Variants in ACOT12 observed in about 807,000 individuals in gnomAD.
ACOT12 encodes the protein acetyl-coenzyme A thioesterase.
Under a neutral mutation model 67.7 loss-of-function variants are expected in ACOT12, and 51 were observed. The ratio of observed to expected loss-of-function variants is 0.75; its 90% CI spans 0.60 to 0.95. The LOEUF (loss-of-function observed/expected upper bound fraction) is 0.95, where lower values mean the gene tolerates loss of function less well. Among genes scored for constraint, ACOT12 ranks in the 40% least tolerant of loss-of-function variants. The pLI is 0.00. For missense variants in ACOT12, 734 were observed against 708.1 expected (o/e 1.04, Z -0.41); for synonymous variants, 251 against 244.6 (o/e 1.03, Z -0.24).
intron 2 of ACOT12, among the ~76,000 whole-genome samples, chr5:81,374,316 T>C (rs1194954191): frequency 1.3e-5 from 2 of 151,958 alleles, no homozygotes; most frequent in Non-Finnish European, 2.9e-5. Context: ...GGACATCCAC[T>C]CAGAGACCTC....
intron 2 of ACOT12, among the ~76,000 whole-genome samples, chr5:81,384,629 A>G (rs1486995062): frequency 6.6e-6 from 1 of 152,190 alleles, no homozygotes; most frequent in African/African-American, 2.4e-5. Flanking sequence ...AAGAGGCTGT[A>G]CTGTTGAGGT....
At chr5:81,388,915 T>C (rs1340976178) in intron 1 of ACOT12, among the ~76,000 whole-genome samples, 1 of 152,210 alleles carries the variant, frequency 6.6e-6, no homozygotes, top group Non-Finnish European at 1.5e-5. Context: ...TCATTTTCTC[T>C]CCTGCCACCG....
chr5:81,364,872 C>G (rs4277893), intron 3 of ACOT12, among the ~76,000 whole-genome samples: 7,688 of 152,192 alleles, frequency 0.051, 221 homozygotes, highest in Middle Eastern at 0.082. Flanking sequence ...CCTTTACTCT[C>G]AGAGTTTTTT....
intron 2 of ACOT12, among the ~76,000 whole-genome samples, chr5:81,382,027 G>A (rs1760596942): frequency 6.6e-6 from 1 of 151,996 alleles, no homozygotes; most frequent in South Asian, 2.1e-4. Flanking sequence ...TAATTAATGT[G>A]TATATACATA....
intron 5 of ACOT12, among the ~76,000 whole-genome samples, chr5:81,357,527 C>A (rs1036444467): frequency 6.6e-6 from 1 of 151,998 alleles, no homozygotes; most frequent in Non-Finnish European, 1.5e-5. Context: ...TGCACCGGGG[C>A]AAACTGGCCA....
chr5:81,333,829 C>A (rs769973187), intron 12 of ACOT12, among the ~76,000 whole-genome samples: 1 of 152,140 alleles, frequency 6.6e-6, no homozygotes, highest in African/African-American at 2.4e-5. Flanking sequence ...AGGGCTCCAC[C>A]CTCGGGCCTG....
At chr5:81,344,870 C>T (rs754126581) in intron 8 of ACOT12, 21 bp downstream of exon 8, 2 of 1,613,562 alleles carry the variant, frequency 1.2e-6, no homozygotes, top group Admixed American at 1.7e-5. Flanking sequence ...GGCTATTGAA[C>T]CTCGTGTGAT....
At chr5:81,333,889 A>T (rs1758910490) in intron 12 of ACOT12, among the ~76,000 whole-genome samples, 1 of 152,174 alleles carries the variant, frequency 6.6e-6, no homozygotes, top group Admixed American at 6.5e-5. Flanking sequence ...ACACCCCAAA[A>T]GTTACCTTTT....
chr5:81,373,241 C>A (rs535547793), intron 2 of ACOT12, among the ~76,000 whole-genome samples: 1 of 152,284 alleles, frequency 6.6e-6, no homozygotes, highest in Non-Finnish European at 1.5e-5. Flanking sequence ...TGGGTCATCA[C>A]CCTACCAGGG....
intron 2 of ACOT12, among the ~76,000 whole-genome samples, chr5:81,380,198 A>G (rs1760536694): frequency 6.6e-6 from 1 of 152,160 alleles, no homozygotes; most frequent in African/African-American, 2.4e-5. Flanking sequence ...TGCTCTGGAG[A>G]GGAATTTGGC....
chr5:81,348,086 G>A (rs1425088552), intron 5 of ACOT12, among the ~76,000 whole-genome samples, 156 bp from the exon 6 acceptor site: 2 of 152,194 alleles, frequency 1.3e-5, no homozygotes, highest in Non-Finnish European at 2.9e-5. Flanking sequence ...GTTCTACAGA[G>A]TGACTCTTAT....
chr5:81,391,255 C>T (rs1247830298), intron 1 of ACOT12, among the ~76,000 whole-genome samples: 1 of 152,214 alleles, frequency 6.6e-6, no homozygotes, highest in East Asian at 1.9e-4. Flanking sequence ...TTTTGTATTT[C>T]ATTCAGTAGC....
chr5:81,371,296 A>C (rs1760241908), intron 3 of ACOT12, among the ~76,000 whole-genome samples: 1 of 152,276 alleles, frequency 6.6e-6, no homozygotes, highest in Admixed American at 6.5e-5. Flanking sequence ...TATGTCACCC[A>C]GGCTGGAATG....
intron 13 of ACOT12, among the ~76,000 whole-genome samples, chr5:81,331,213 G>A (rs1758811455): frequency 6.6e-6 from 1 of 152,172 alleles, no homozygotes; most frequent in South Asian, 2.1e-4. Flanking sequence ...GTGCCCGACA[G>A]GGTTGTAATT....
At chr5:81,368,702 A>T (rs1056686012) in intron 3 of ACOT12, among the ~76,000 whole-genome samples, 2 of 152,124 alleles carry the variant, frequency 1.3e-5, no homozygotes, top group Non-Finnish European at 2.9e-5. Flanking sequence ...ATATTTGAAA[A>T]AAAGAAAAGT....
the ACOT12 span, among the ~76,000 whole-genome samples, chr5:81,313,987 C>T: frequency 6.6e-6 from 1 of 152,128 alleles, no homozygotes; most frequent in African/African-American, 2.4e-5. Context: ...TTCACCTGTC[C>T]CATCAGGAGC....
intron 3 of ACOT12, among the ~76,000 whole-genome samples, chr5:81,364,610 G>A (rs1476339512): frequency 1.3e-5 from 2 of 151,974 alleles, no homozygotes; most frequent in Non-Finnish European, 2.9e-5. Flanking sequence ...TGTATTTTTA[G>A]TACAGACAAG....
chr5:81,344,780 G>C (rs904141676), intron 8 of ACOT12, 111 bp downstream of exon 8: 110 of 1,360,368 alleles, frequency 8.1e-5, no homozygotes, highest in Non-Finnish European at 1.1e-4. Context: ...GCTGAAAAGA[G>C]GGAAAACCAA....
intron 2 of ACOT12, among the ~76,000 whole-genome samples, chr5:81,372,377 T>C (rs974766489): frequency 6.6e-6 from 1 of 152,162 alleles, no homozygotes; most frequent in Non-Finnish European, 1.5e-5. Context: ...TTCCTTCCCC[T>C]TAGCAGAAGG....
Sources: allele counts gnomAD v4.1 joint callset (sites outside exome capture counted in the v4.1 genomes callset), GRCh38; gene constraint gnomAD v4.1.1; transcripts MANE v1.5; gene names NCBI Gene and HGNC (gene_info 2026-07-23, HGNC 2026-07-21).